The following PCDH7 variants were observed in gnomAD, a reference collection of about 807,000 sequenced individuals.
PCDH7 encodes the protein protocadherin-7.
In PCDH7, 17 loss-of-function variants were observed where a neutral mutation model predicts 58.9. That is an observed-to-expected ratio of 0.29 (90% CI 0.20 to 0.43). The LOEUF (loss-of-function observed/expected upper bound fraction) is 0.43, where lower values mean the gene tolerates loss of function less well. PCDH7 is among the 20% of genes least tolerant of loss of function. The probability of loss-of-function intolerance (pLI) is 1.00; values close to 1 mark genes in which losing one functional copy is unlikely to be tolerated. For missense variants in PCDH7, 1,274 were observed against 1,441.0 expected, an observed-to-expected ratio of 0.88 and a Z score of 1.88; for synonymous variants, 664 against 616.4, an observed-to-expected ratio of 1.08 and a Z score of -1.14.
intron 3 of PCDH7, among the ~76,000 whole-genome samples, chr4:31,008,055 AAC>A (rs1254876839): frequency 2.6e-5 from 4 of 152,178 alleles, no homozygotes; most frequent in Admixed American, 6.6e-5. Flanking sequence ...AATAAACAGA[AAC>A]AGTCAGAAAA....
intron 2 of PCDH7, among the ~76,000 whole-genome samples, chr4:30,948,710 C>A (rs1747011549): frequency 6.6e-6 from 1 of 152,072 alleles, no homozygotes; most frequent in Non-Finnish European, 1.5e-5. Flanking sequence ...CTACATATGC[C>A]TTCAGAATTC....
Position 31,058,944 on chromosome 4 carries a change from C to T in PCDH7, c.*8-83529C>T, listed in dbSNP as rs73812505. Among the ~76,000 whole-genome samples the T allele has an allele frequency of 3.4e-3, 518 of 152,122 alleles. 2 individuals carry two copies. Among genetic ancestry groups the T allele is most frequent in the African/African-American group, 0.012 (500 of 41,542 alleles). On this transcript the variant is annotated intron_variant, in intron 3 of 3. Coordinates refer to the PCDH7 transcript ENST00000509759. Reference sequence around the variant, plus strand: ...CTGCCACATGTAACTGACTGCCGATCTAAAACCTATTGTTCCATTTTTATT... The same window carrying T: ...CTGCCACATGTAACTGACTGCCGATTTAAAACCTATTGTTCCATTTTTATT...
intron 1 of PCDH7, among the ~76,000 whole-genome samples, chr4:30,851,039 T>G (rs1354173048): frequency 1.3e-5 from 2 of 152,060 alleles, no homozygotes; most frequent in Non-Finnish European, 2.9e-5. Context: ...TTTGTAAAAT[T>G]TTATAGGACT....
rs558385903 is a variant in PCDH7 at position 30,884,744 on chromosome 4, T to C, written c.71-35409T>C. 1.0e-3 allele frequency: 153 copies of C among 152,258 alleles called. 1 individual carries two copies. The highest frequency in any genetic ancestry group is 3.2e-3 in the African/African-American group (133 of 41,554). The allele number at this position is 152,258 out of a possible 1,614,324, so 9.4% of individuals were successfully genotyped here. A position where few individuals can be genotyped will look rare whatever the true frequency, so the allele number is the denominator to read the frequency against. Reference sequence around the variant, plus strand: ...GTTAGGGATGGATCTTAAGATTGCATATGCAAACAAAAAGTCTCACCCTGG... The same window carrying C: ...GTTAGGGATGGATCTTAAGATTGCACATGCAAACAAAAAGTCTCACCCTGG... On this transcript the variant is annotated intron_variant, in intron 1 of 3. Transcript: ENST00000509759.
chr4:31,047,186 T>C (rs1756357522), intron 3 of PCDH7, among the ~76,000 whole-genome samples: 1 of 152,180 alleles, frequency 6.6e-6, no homozygotes, highest in Non-Finnish European at 1.5e-5. Context: ...TAAAATCAGA[T>C]TACATGGACT....
chr4:30,999,056 A>T (rs186254035), intron 3 of PCDH7, among the ~76,000 whole-genome samples: 2 of 152,236 alleles, frequency 1.3e-5, no homozygotes, highest in East Asian at 3.9e-4. Context: ...CCATTAGAAT[A>T]TGTGATGGAG....
intron 1 of PCDH7, among the ~76,000 whole-genome samples, chr4:30,753,662 T>C (rs1718867804): frequency 6.6e-6 from 1 of 152,210 alleles, no homozygotes. Context: ...CAGTAAATAT[T>C]TATTAAACCC....
chr4:30,759,331 T>C (rs536026185), intron 1 of PCDH7, among the ~76,000 whole-genome samples: 1 of 152,330 alleles, frequency 6.6e-6, no homozygotes, highest in Non-Finnish European at 1.5e-5. Flanking sequence ...TCATCCTCTG[T>C]CCGAATTTCT....
At chr4:31,112,864 G>A (rs555043142) in intron 3 of PCDH7, among the ~76,000 whole-genome samples, 1 of 152,216 alleles carries the variant, frequency 6.6e-6, no homozygotes. Flanking sequence ...AAAGAGCATA[G>A]AGTATTTAGT....
At chr4:30,874,705 A>AT (rs1736071648) in intron 1 of PCDH7, among the ~76,000 whole-genome samples, 1 of 133,242 alleles carries the variant, frequency 7.5e-6, no homozygotes, top group Non-Finnish European at 1.6e-5. Flanking sequence ...ATAAAATAAA[A>AT]AAATAGTGAA....
At chr4:31,142,172 C>T (rs935453921) in intron 3 of PCDH7, among the ~76,000 whole-genome samples, 1 of 152,124 alleles carries the variant, frequency 6.6e-6, no homozygotes, top group African/African-American at 2.4e-5. Context: ...GAGCTTCTAA[C>T]TGAGACCATC....
At chr4:30,737,697 G>T (rs556609707), downstream of PCDH7, among the ~76,000 whole-genome samples, 1 of 152,194 alleles carries the variant, frequency 6.6e-6, no homozygotes, top group Non-Finnish European at 1.5e-5. Flanking sequence ...ACTGGGTATT[G>T]TGAGAATGAC....
intron 1 of PCDH7, among the ~76,000 whole-genome samples, chr4:30,754,806 A>G (rs923697026): frequency 1.3e-5 from 2 of 152,258 alleles, no homozygotes; most frequent in Non-Finnish European, 2.9e-5. Flanking sequence ...TAACAAGTAG[A>G]TGGGCAGTGA....
intron 3 of PCDH7, among the ~76,000 whole-genome samples, chr4:31,105,900 G>A (rs983823965): frequency 2.6e-5 from 4 of 151,782 alleles, no homozygotes; most frequent in African/African-American, 7.3e-5. Context: ...CCAGCTGCTC[G>A]GGACGCTGAG....
intron 3 of PCDH7, among the ~76,000 whole-genome samples, chr4:31,060,739 T>C (rs1245465743): frequency 1.3e-5 from 2 of 151,800 alleles, no homozygotes; most frequent in African/African-American, 2.4e-5. Context: ...TGATTTTTCA[T>C]TGTGTTTTTC....
At chr4:31,021,744 C>T (rs1754036505) in intron 3 of PCDH7, among the ~76,000 whole-genome samples, 3 of 152,080 alleles carry the variant, frequency 2.0e-5, no homozygotes, top group African/African-American at 7.2e-5. Flanking sequence ...GGTCCAGAGA[C>T]ACGAGTGTCT....
intron 3 of PCDH7, among the ~76,000 whole-genome samples, chr4:31,047,509 T>C (rs1442026934): frequency 1.3e-5 from 2 of 152,070 alleles, no homozygotes; most frequent in African/African-American, 4.8e-5. Context: ...ATTCACTCCA[T>C]AGGAGTCACA....
downstream of PCDH7, among the ~76,000 whole-genome samples, chr4:30,737,550 G>A (rs1345604861): frequency 6.6e-6 from 1 of 152,106 alleles, no homozygotes; most frequent in Non-Finnish European, 1.5e-5. Flanking sequence ...GTGTGTGTGT[G>A]TGTGTATGTA....
intron 3 of PCDH7, among the ~76,000 whole-genome samples, chr4:31,053,735 C>A (rs905026945): frequency 6.6e-6 from 1 of 152,058 alleles, no homozygotes; most frequent in African/African-American, 2.4e-5. Flanking sequence ...GTCCCACATC[C>A]TTTTATGTAT....
Sources: gnomAD v4.1 joint callset for allele counts (sites outside exome capture counted in the v4.1 genomes callset) on GRCh38, gnomAD v4.1.1 for gene constraint, MANE v1.5 for transcripts, NCBI Gene and HGNC (gene_info 2026-07-23, HGNC 2026-07-21) for gene names.